The following PREX2 variants were observed in gnomAD, a reference collection of about 807,000 sequenced individuals.
PREX2 encodes the protein phosphatidylinositol-3,4,5-trisphosphate dependent Rac exchange factor 2.
Under a neutral mutation model 203.2 loss-of-function variants are expected in PREX2, and 107 were observed. That is an observed-to-expected ratio of 0.53 (90% CI 0.45 to 0.62). PREX2 has a LOEUF of 0.62. PREX2 is among the 20% of genes least tolerant of loss of function. PREX2 has a pLI of 0.00. For synonymous variants in PREX2, 672 were observed against 663.6 expected, an observed-to-expected ratio of 1.01 and a Z score of -0.19; for missense variants, 1,777 against 1,955.9, an observed-to-expected ratio of 0.91 and a Z score of 1.72.
intron 23 of PREX2, among the ~76,000 whole-genome samples, chr8:68,102,064 C>T (rs79415510): frequency 0.046 from 7,058 of 152,094 alleles, 239 homozygotes; most frequent in Non-Finnish European, 0.073. Context: ...GCTTTTAAGG[C>T]GCAGATGGGC....
intron 1 of PREX2, among the ~76,000 whole-genome samples, chr8:67,991,587 C>G (rs1051939590): frequency 6.6e-6 from 1 of 152,116 alleles, no homozygotes; most frequent in Non-Finnish European, 1.5e-5. Context: ...TCAGAATTCG[C>G]TAACTATCAT....
intron 39 of PREX2, among the ~76,000 whole-genome samples, chr8:68,228,467 A>G (rs1813093949): frequency 6.6e-6 from 1 of 152,052 alleles, no homozygotes; most frequent in Non-Finnish European, 1.5e-5. Context: ...TACATAAAAT[A>G]AAAAATAAAA....
chr8:68,153,841 T>A (rs1811490611), intron 34 of PREX2, among the ~76,000 whole-genome samples: 2 of 152,236 alleles, frequency 1.3e-5, no homozygotes, highest in South Asian at 4.1e-4. Flanking sequence ...TTCCAATTTT[T>A]AAAAAATGTT....
intron 28 of PREX2, 36 bp downstream of exon 28, chr8:68,119,550 A>G (rs1393190657): frequency 1.3e-6 from 2 of 1,492,302 alleles, no homozygotes; most frequent in East Asian, 2.3e-5. Flanking sequence ...TTGTTCCACA[A>G]CTAAACTGTG....
chr8:68,217,648 T>C lies in PREX2; in HGVS notation c.4637T>C (p.Ile1546Thr). 1 of 1,614,144 alleles carries C rather than the reference T, an allele frequency of 6.2e-7. No homozygotes were observed. Among genetic ancestry groups the C allele is most frequent in the South Asian group, 1.1e-5 (1 of 91,084 alleles). Residue 1546 changes from isoleucine to threonine, a missense_variant, in exon 38 of 40, where the codon ATC becomes ACC. Transcript: ENST00000288368. ...CTLSVTLEQA[I>T]ILARSHGLPP... ...CTGAGCGTGACGCTGGAGCAAGCCA[T>C]CATTCTGGCCAGAAGCCACGGACTG...
intron 35 of PREX2, among the ~76,000 whole-genome samples, chr8:68,167,898 G>A (rs771383929): frequency 6.6e-6 from 1 of 152,088 alleles, no homozygotes; most frequent in Non-Finnish European, 1.5e-5. Flanking sequence ...ATATGATCCC[G>A]AGACAAGCAT....
At chr8:68,227,557 C>T (rs12549883) in intron 39 of PREX2, among the ~76,000 whole-genome samples, 40,326 of 151,992 alleles carry the variant, frequency 0.27, 5,965 homozygotes, top group South Asian at 0.46. Flanking sequence ...TATGAGTCTT[C>T]GATATTTAGG....
intron 10 of PREX2, among the ~76,000 whole-genome samples, chr8:68,058,962 T>A (rs1296939495): frequency 6.7e-6 from 1 of 150,364 alleles, no homozygotes; most frequent in Non-Finnish European, 1.5e-5. Flanking sequence ...TTTTGAATGG[T>A]TCTCATTTAA....
chr8:68,051,501 G>A (rs528145136), intron 8 of PREX2, among the ~76,000 whole-genome samples: 1 of 152,254 alleles, frequency 6.6e-6, no homozygotes, highest in South Asian at 2.1e-4. Context: ...AGGGTTGGGG[G>A]AAGAGTTTTA....
At chr8:67,974,651 T>C (rs1312759519) in intron 1 of PREX2, among the ~76,000 whole-genome samples, 1 of 152,190 alleles carries the variant, frequency 6.6e-6, no homozygotes, top group Non-Finnish European at 1.5e-5. Flanking sequence ...CTACTATTTA[T>C]CATGCAAATT....
intron 4 of PREX2, among the ~76,000 whole-genome samples, chr8:68,024,593 G>T (rs573342586): frequency 6.6e-6 from 1 of 151,480 alleles, no homozygotes; most frequent in Non-Finnish European, 1.5e-5. Flanking sequence ...TCTACTTTTT[G>T]TCCAGTCTGA....
intron 32 of PREX2, among the ~76,000 whole-genome samples, chr8:68,134,594 G>C (rs1417150091): frequency 6.6e-6 from 1 of 152,116 alleles, no homozygotes; most frequent in African/African-American, 2.4e-5. Flanking sequence ...TTCTGCTGCT[G>C]TTCCTTATTC....
At chr8:68,152,560 A>G (rs1177068311) in intron 34 of PREX2, among the ~76,000 whole-genome samples, 1 of 152,142 alleles carries the variant, frequency 6.6e-6, no homozygotes, top group Non-Finnish European at 1.5e-5. Context: ...TCAAATTCAT[A>G]GTTTATTGCA....
intron 11 of PREX2, among the ~76,000 whole-genome samples, chr8:68,064,284 T>G (rs1463802810): frequency 2.0e-5 from 3 of 152,178 alleles, no homozygotes; most frequent in Admixed American, 1.3e-4. Flanking sequence ...GTAGGCTGAT[T>G]AGTTTTTAAA....
chr8:68,226,394 G>T (rs1023125943), intron 39 of PREX2, among the ~76,000 whole-genome samples: 2 of 152,132 alleles, frequency 1.3e-5, no homozygotes, highest in Non-Finnish European at 2.9e-5. Context: ...GCACAGAGGG[G>T]CTGGGATCTC....
At chr8:68,114,281 A>T (rs1345317752) in intron 25 of PREX2, 2 of 506,674 alleles carry the variant, frequency 3.9e-6, no homozygotes, top group Admixed American at 2.0e-5. Flanking sequence ...TGGGTTTGAC[A>T]TTATGGAATA....
chr8:68,130,467 G>A (rs1460035044), intron 31 of PREX2, among the ~76,000 whole-genome samples: 2 of 152,164 alleles, frequency 1.3e-5, no homozygotes, highest in South Asian at 2.1e-4. Flanking sequence ...TTCTCCATGA[G>A]CAATAAAGCT....
At chr8:67,957,655 A>G (rs148648356) in intron 1 of PREX2, among the ~76,000 whole-genome samples, 92 of 152,372 alleles carry the variant, frequency 6.0e-4, no homozygotes, top group African/African-American at 2.2e-3. Context: ...GAAAACAGAC[A>G]AACAGGCAAA....
At chr8:68,109,678 G>A in intron 25 of PREX2, 55 bp downstream of exon 25, 1 of 1,461,950 alleles carries the variant, frequency 6.8e-7, no homozygotes, top group Non-Finnish European at 9.5e-7. Flanking sequence ...CCATAAAAAT[G>A]TGGCTTAGAA....
Sources: gnomAD v4.1 joint callset for allele counts (sites outside exome capture counted in the v4.1 genomes callset) on GRCh38, gnomAD v4.1.1 for gene constraint, MANE v1.5 for transcripts, NCBI Gene and HGNC (gene_info 2026-07-23, HGNC 2026-07-21) for gene names.